WWOX: variants seen among roughly 807,000 people sequenced by gnomAD.
WWOX encodes WW domain containing oxidoreductase.
In WWOX, 69 loss-of-function variants were observed where a neutral mutation model predicts 46.2. That is an observed-to-expected ratio of 1.49 (90% confidence interval 1.23 to 1.82). The LOEUF is 1.82. Ranked by LOEUF, WWOX falls within the 40% of genes most tolerant of loss-of-function variation. WWOX has a pLI of 0.00. For synonymous variants in WWOX, 359 were observed against 202.6 expected, an observed-to-expected ratio of 1.77 and a Z score of -6.56; for missense variants, 919 against 542.6, an observed-to-expected ratio of 1.69 and a Z score of -6.89.
intron 8 of WWOX, among the ~76,000 whole-genome samples, chr16:79,106,938 G>A (rs549342343): frequency 6.6e-6 from 1 of 151,298 alleles, no homozygotes; most frequent in Non-Finnish European, 1.5e-5. Context: ...CTCTCGAGTA[G>A]CTGGGATTCT....
intron 5 of WWOX, among the ~76,000 whole-genome samples, chr16:78,166,381 A>G (rs4887941): frequency 0.13 from 19,954 of 152,116 alleles, 1,570 homozygotes; most frequent in East Asian, 0.22. Context: ...AGTCTTTCTT[A>G]CGATATCATC....
At chr16:78,828,519 A>G (rs957827335) in intron 8 of WWOX, among the ~76,000 whole-genome samples, 5 of 151,758 alleles carry the variant, frequency 3.3e-5, no homozygotes, top group African/African-American at 1.2e-4. Context: ...TTAAATTATC[A>G]TTAGTATATA....
At chr16:79,060,913 C>G (rs925738306) in intron 8 of WWOX, among the ~76,000 whole-genome samples, 1 of 152,134 alleles carries the variant, frequency 6.6e-6, no homozygotes, top group Non-Finnish European at 1.5e-5. Context: ...TTCCATCCAC[C>G]CAAAAGCACT....
chr16:78,907,343 G>A (rs1041303292), intron 8 of WWOX, among the ~76,000 whole-genome samples: 4 of 152,182 alleles, frequency 2.6e-5, no homozygotes, highest in Admixed American at 2.6e-4. Flanking sequence ...ACAAAGTGAT[G>A]TTATCTGCAG....
chr16:78,326,147 A>C (rs1200425830), intron 5 of WWOX, among the ~76,000 whole-genome samples: 1 of 152,104 alleles, frequency 6.6e-6, no homozygotes, highest in Non-Finnish European at 1.5e-5. Flanking sequence ...TCAACCATTA[A>C]ATTGTTGCCA....
At chr16:78,499,244 G>A (rs559018698) in intron 8 of WWOX, among the ~76,000 whole-genome samples, 2 of 152,168 alleles carry the variant, frequency 1.3e-5, no homozygotes, top group African/African-American at 4.8e-5. Flanking sequence ...GTGAGGGGGC[G>A]GAGGTGGTGG....
intron 8 of WWOX, among the ~76,000 whole-genome samples, chr16:78,468,475 G>A (rs989743460): frequency 6.6e-6 from 1 of 152,020 alleles, no homozygotes; most frequent in African/African-American, 2.4e-5. Flanking sequence ...TTTGCTTCCA[G>A]CCATCCCATG....
intron 8 of WWOX, among the ~76,000 whole-genome samples, chr16:79,113,217 T>C (rs1009365845): frequency 6.6e-6 from 1 of 151,732 alleles, no homozygotes; most frequent in East Asian, 1.9e-4. Flanking sequence ...TCCCAGGAAG[T>C]GGAGAAAGGG....
chr16:78,659,865 G>C (rs72794732), intron 8 of WWOX, among the ~76,000 whole-genome samples: 4,655 of 152,210 alleles, frequency 0.031, 103 homozygotes, highest in Non-Finnish European at 0.049. Flanking sequence ...TATTTCGGAA[G>C]AGCAAAGTCC....
chr16:78,428,438 G>C (rs535953942), intron 7 of WWOX, among the ~76,000 whole-genome samples: 2 of 152,316 alleles, frequency 1.3e-5, no homozygotes, highest in South Asian at 4.1e-4. Context: ...CTGCCCAGGA[G>C]ACAGTGAGGA....
chr16:78,692,652 T>C (rs1323723789), intron 8 of WWOX, among the ~76,000 whole-genome samples: 2 of 152,214 alleles, frequency 1.3e-5, no homozygotes, highest in South Asian at 2.1e-4. Context: ...AAGCAATGAA[T>C]TGAAGGACTA....
chr16:78,631,327 A>G (rs945647218), intron 8 of WWOX, among the ~76,000 whole-genome samples: 7 of 152,116 alleles, frequency 4.6e-5, no homozygotes, highest in Non-Finnish European at 1.0e-4. Flanking sequence ...ATTTCTGCTC[A>G]TGGTTGCTGA....
intron 6 of WWOX, among the ~76,000 whole-genome samples, chr16:78,394,708 C>T (rs1467246510): frequency 6.6e-6 from 1 of 152,160 alleles, no homozygotes; most frequent in African/African-American, 2.4e-5. Flanking sequence ...CCGTGGTAGC[C>T]TGAAAGCAGC....
intron 5 of WWOX, among the ~76,000 whole-genome samples, chr16:78,361,179 C>T (rs1020682222): frequency 2.0e-5 from 3 of 152,082 alleles, no homozygotes; most frequent in African/African-American, 4.8e-5. Context: ...GATCTTGAGA[C>T]CTTGATTTGT....
intron 8 of WWOX, among the ~76,000 whole-genome samples, chr16:79,150,313 C>CCT (rs2050254601): frequency 6.6e-6 from 1 of 152,188 alleles, no homozygotes; most frequent in Non-Finnish European, 1.5e-5. Context: ...AGGGATTTCA[C>CCT]CTCTCTGACT....
chr16:78,853,357 C>A (rs80129534), intron 8 of WWOX, among the ~76,000 whole-genome samples: 16 of 152,036 alleles, frequency 1.1e-4, no homozygotes, highest in African/African-American at 3.9e-4. Flanking sequence ...GGATTACAGG[C>A]GCATGCCACG....
In WWOX at chr16:78,556,979, A is replaced by G. The variant is rs1245518631; in HGVS notation, c.1056+124227A>G. Among the ~76,000 whole-genome samples, 4 of 152,268 alleles carry G rather than the reference A, an allele frequency of 2.6e-5. No individual in the cohort carries two copies. In the South Asian group the frequency reaches 8.3e-4, roughly 32 times the overall value. ...GGTGATTCACCCACCTCAGCCTCCC[A>G]AAGTGCAGGGATTAAGGCGTGAGCC... is the stretch of plus-strand genomic sequence containing the variant. On this transcript the variant is annotated intron_variant, in intron 8 of 8. Coordinates refer to ENST00000566780, the MANE Select transcript of WWOX (RefSeq NM_016373.4).
chr16:79,142,661 T>C (rs2050112193), intron 8 of WWOX, among the ~76,000 whole-genome samples: 1 of 152,186 alleles, frequency 6.6e-6, no homozygotes, highest in African/African-American at 2.4e-5. Flanking sequence ...TTTTCAACGT[T>C]AATAGAAATA....
chr16:78,773,195 G>A (rs552015317), intron 8 of WWOX, among the ~76,000 whole-genome samples: 4 of 152,196 alleles, frequency 2.6e-5, no homozygotes, highest in Non-Finnish European at 5.9e-5. Context: ...CTAAACATTT[G>A]TTGGGCAGTT....
Sources: gnomAD v4.1 joint callset for allele counts (sites outside exome capture counted in the v4.1 genomes callset) on GRCh38, gnomAD v4.1.1 for gene constraint, MANE v1.5 for transcripts, NCBI Gene and HGNC (gene_info 2026-07-23, HGNC 2026-07-21) for gene names.